PMEPA1: variants seen among roughly 807,000 people sequenced by gnomAD.
PMEPA1 encodes the protein prostate transmembrane protein, androgen induced 1.
In PMEPA1, 11 loss-of-function variants were observed where a neutral mutation model predicts 23.0. That is an observed-to-expected ratio of 0.48 (90% CI 0.30 to 0.79). The LOEUF is 0.79. Ranked by LOEUF, PMEPA1 falls within the 30% of genes least tolerant of loss-of-function variation. The probability of loss-of-function intolerance (pLI) is 0.06; values close to 1 mark genes in which losing one functional copy is unlikely to be tolerated. For synonymous variants in PMEPA1, 204 were observed against 166.4 expected (o/e 1.23, Z -1.74); for missense variants, 377 against 390.9 (o/e 0.96, Z 0.30).
intron 1 of PMEPA1, among the ~76,000 whole-genome samples, chr20:57,706,673 C>T (rs183478389): frequency 1.3e-5 from 2 of 152,256 alleles, no homozygotes; most frequent in Admixed American, 1.3e-4. Flanking sequence ...TCAAGGAGGA[C>T]CTGCTCTGGG....
At chr20:57,666,064 G>A (rs1352155057) in intron 1 of PMEPA1, among the ~76,000 whole-genome samples, 3 of 152,066 alleles carry the variant, frequency 2.0e-5, no homozygotes, top group Non-Finnish European at 4.4e-5. Context: ...CCTTGGGGAG[G>A]GTGATGAATG....
intron 1 of PMEPA1, among the ~76,000 whole-genome samples, chr20:57,707,083 A>T (rs1658561791): frequency 6.6e-6 from 1 of 152,254 alleles, no homozygotes; most frequent in South Asian, 2.1e-4. Context: ...GGTATCTTAC[A>T]GGATAGGAGC....
rs2071314792 is a variant in PMEPA1 at position 57,655,530 on chromosome 20, T to C, written c.265-2444A>G. On this transcript the variant is annotated intron_variant, in intron 2 of 3. Coordinates refer to ENST00000341744, the MANE Select transcript of PMEPA1 (RefSeq NM_020182.5). The surrounding 1 kb of genome is among the most constrained non-coding windows in gnomAD (Gnocchi z 4.2). ...ACCCGTGCAAGTCATCTTTGTGGAA[T>C]TAGGTTCCAAAGTGGCTTGAGAAGT... 6.6e-6 allele frequency among the ~76,000 whole-genome samples: 1 copy of C among 152,202 alleles called. No homozygotes were observed. Among genetic ancestry groups the C allele is most frequent in the Non-Finnish European group, 1.5e-5 (1 of 68,036 alleles).
intron 1 of PMEPA1, among the ~76,000 whole-genome samples, chr20:57,696,661 A>G (rs3795094): frequency 0.045 from 6,844 of 152,330 alleles, 285 homozygotes; most frequent in African/African-American, 0.11. Context: ...TGTTGGGTTC[A>G]TTCCCTAAAT....
intron 2 of PMEPA1, 81 bp downstream of exon 2, chr20:57,659,462 C>A: frequency 6.9e-7 from 1 of 1,439,806 alleles, no homozygotes; most frequent in Non-Finnish European, 9.5e-7. Context: ...CAAACGCTGC[C>A]ATTGGATCCC....
intron 1 of PMEPA1, among the ~76,000 whole-genome samples, chr20:57,676,020 G>A (rs867494160): frequency 3.9e-5 from 6 of 152,220 alleles, no homozygotes; most frequent in Non-Finnish European, 7.3e-5. Flanking sequence ...ACTTCCTTTC[G>A]AAGCAGCATC....
At chr20:57,670,692 C>A (rs1006614612) in intron 1 of PMEPA1, among the ~76,000 whole-genome samples, 1 of 152,230 alleles carries the variant, frequency 6.6e-6, no homozygotes, top group Non-Finnish European at 1.5e-5. Flanking sequence ...CCAGCCAGCA[C>A]AGACCCAAGG....
At chr20:57,663,417 G>A (rs975473416) in intron 1 of PMEPA1, among the ~76,000 whole-genome samples, 1 of 152,124 alleles carries the variant, frequency 6.6e-6, no homozygotes, top group African/African-American at 2.4e-5. Context: ...GTGTCAGCGG[G>A]GGGACGGTGG....
At chr20:57,701,548 C>T (rs2072011182) in intron 1 of PMEPA1, among the ~76,000 whole-genome samples, 1 of 152,160 alleles carries the variant, frequency 6.6e-6, no homozygotes, top group Non-Finnish European at 1.5e-5. Flanking sequence ...TGTACCTGCC[C>T]CTTAGCTCTA....
chr20:57,649,254 C>A lies in PMEPA1; in HGVS notation c.*2799G>T, dbSNP rs532956602. The stretch of plus-strand genomic sequence containing the variant: ...GCAGTCCAAGAGTTTTCAAAGATAA[C>A]GTGACAACTACCATCTAGAGGAAAG... On this transcript the variant is annotated 3_prime_UTR_variant, in exon 4 of 4. Transcript: ENST00000341744. 6.6e-6 allele frequency: 1 copy of A among 152,188 alleles called. No homozygotes were observed. Among genetic ancestry groups the A allele is most frequent in the Non-Finnish European group, 1.5e-5 (1 of 68,042 alleles). The allele number at this position is 152,188 out of a possible 1,614,324, so 9.4% of individuals were successfully genotyped here.
At chr20:57,699,624 A>G (rs1446097780) in intron 1 of PMEPA1, among the ~76,000 whole-genome samples, 1 of 152,238 alleles carries the variant, frequency 6.6e-6, no homozygotes, top group African/African-American at 2.4e-5. Context: ...CTAGATGAGC[A>G]GAGGGGTAAC....
In PMEPA1 at chr20:57,650,202, GT is replaced by G. The variant is rs1414535798; in HGVS notation, c.*1850del. 4 of 152,200 alleles carry G rather than the reference GT, an allele frequency of 2.6e-5. No homozygotes were observed. The highest frequency in any genetic ancestry group is 7.2e-5 in the African/African-American group (3 of 41,448). 9.4% of individuals were successfully genotyped at this position (152,200 alleles called of 1,614,324 possible). On this transcript the variant is annotated 3_prime_UTR_variant, in exon 4 of 4. Coordinates refer to ENST00000341744, the MANE Select transcript of PMEPA1 (RefSeq NM_020182.5). ...ACTTCAAAACTGTGCTCAGGTTTTT[GT>G]TTTGGAAGTTATAAAAAAGTTGCTC... is the stretch of plus-strand genomic sequence containing the variant.
rs915473979 is a variant in PMEPA1 at position 57,652,492 on chromosome 20, T to C, written c.425A>G (p.His142Arg). The C allele has an allele frequency of 1.2e-6, 2 of 1,604,932 alleles. No homozygotes were observed. The highest frequency in any genetic ancestry group is 1.3e-5 in the African/African-American group (1 of 74,770). ...RFQPTYPYLQ[H>R]EIDLPPTISL... The stretch of plus-strand genomic sequence containing the variant: ...GATGGTGGGTGGCAGGTCGATCTCG[T>C]GCTGCAGGTACGGATAGGTGGGCTG... The change falls in exon 4 of 4, where the codon CAC becomes CGC. Residue 142 changes from histidine (H) to arginine (R), a missense_variant. Transcript: ENST00000341744. The surrounding 1 kb of genome is among the most constrained non-coding windows in gnomAD (Gnocchi z 6.1).
chr20:57,661,841 C>T (rs1485402634), intron 1 of PMEPA1, among the ~76,000 whole-genome samples: 2 of 152,210 alleles, frequency 1.3e-5, no homozygotes, highest in African/African-American at 4.8e-5. Context: ...GAAGCACTCC[C>T]ACACCTGTGT....
rs562573122 is a variant in PMEPA1, at chr20:57,696,456, G to T, written c.109+13018C>A. ...AGCCCAAGTTCAAATCCTGCTCTGC[G>T]GTGTGCTGGGCAATCCCTGGCAGGT... On this transcript the variant is annotated intron_variant, in intron 1 of 3. Coordinates refer to ENST00000341744, the MANE Select transcript of PMEPA1 (RefSeq NM_020182.5). Among the ~76,000 whole-genome samples, 6 of 152,266 alleles carry T rather than the reference G, an allele frequency of 3.9e-5. No individual in the cohort carries two copies. In the South Asian group the frequency reaches 1.2e-3, roughly 32 times the overall value.
At chr20:57,667,412 G>A (rs778608101) in intron 1 of PMEPA1, among the ~76,000 whole-genome samples, 5 of 152,162 alleles carry the variant, frequency 3.3e-5, no homozygotes, top group African/African-American at 4.8e-5. Flanking sequence ...GAGGTGCGGC[G>A]GCGACTGAGT....
chr20:57,658,538 G>A (rs2071359346), intron 2 of PMEPA1, among the ~76,000 whole-genome samples: 1 of 152,198 alleles, frequency 6.6e-6, no homozygotes, highest in African/African-American at 2.4e-5. Context: ...ATGGATGGAT[G>A]GATGGAAGTG....
intron 1 of PMEPA1, among the ~76,000 whole-genome samples, chr20:57,693,398 C>A (rs2071907494): frequency 6.6e-6 from 1 of 152,220 alleles, no homozygotes; most frequent in Admixed American, 6.5e-5. Context: ...CCGAGACCTG[C>A]ATCCAGGAAG....
chr20:57,661,362 T>A (rs2071416410), intron 1 of PMEPA1, among the ~76,000 whole-genome samples: 1 of 151,858 alleles, frequency 6.6e-6, no homozygotes. Context: ...CACGGCAGAG[T>A]GGGCACCAGC....
Sources: gnomAD v4.1 joint callset for allele counts (sites outside exome capture counted in the v4.1 genomes callset) on GRCh38, gnomAD v4.1.1 for gene constraint, Gnocchi (gnomAD v3.1) non-coding constraint, MANE v1.5 for transcripts, NCBI Gene and HGNC (gene_info 2026-07-23, HGNC 2026-07-21) for gene names.